The following DLG2 variants were observed in gnomAD, a reference collection of about 807,000 sequenced individuals.
The protein encoded by DLG2 is disks large homolog 2.
DLG2 carries 45 observed loss-of-function variants against 132.5 expected under a neutral mutation model. That is an observed-to-expected ratio of 0.34 (90% CI 0.27 to 0.44). The LOEUF (loss-of-function observed/expected upper bound fraction) is 0.44. Among genes scored for constraint, DLG2 ranks in the 20% least tolerant of loss-of-function variants. The probability of loss-of-function intolerance (pLI) is 1.00; values close to 1 mark genes in which losing one functional copy is unlikely to be tolerated. For missense variants in DLG2, 1,045 were observed against 1,196.9 expected, an observed-to-expected ratio of 0.87 and a Z score of 1.87; for synonymous variants, 424 against 419.6, an observed-to-expected ratio of 1.01 and a Z score of -0.13.
intron 3 of DLG2, among the ~76,000 whole-genome samples, chr11:85,429,681 T>C (rs543587285): frequency 6.0e-4 from 92 of 152,288 alleles, no homozygotes; most frequent in Middle Eastern, 6.8e-3. Flanking sequence ...CCAGTTAGAA[T>C]GGCAATCATT....
chr11:84,309,086 C>T (rs900902059), intron 7 of DLG2, among the ~76,000 whole-genome samples: 5 of 152,124 alleles, frequency 3.3e-5, no homozygotes, highest in Non-Finnish European at 1.5e-5. Flanking sequence ...ACTGCCAGCA[C>T]GCTGTCACCT....
intron 7 of DLG2, among the ~76,000 whole-genome samples, chr11:84,458,007 C>T (rs868118656): frequency 6.0e-5 from 9 of 150,728 alleles, no homozygotes; most frequent in East Asian, 5.8e-4. Context: ...CTGTTATCTA[C>T]GTAAATGATA....
intron 23 of DLG2, among the ~76,000 whole-genome samples, chr11:83,472,018 T>C (rs910437152): frequency 6.6e-6 from 1 of 152,126 alleles, no homozygotes; most frequent in African/African-American, 2.4e-5. Context: ...GCCTACATAA[T>C]GTCAAAACAA....
At chr11:85,045,718 C>T (rs1206248925) in intron 6 of DLG2, among the ~76,000 whole-genome samples, 2 of 151,950 alleles carry the variant, frequency 1.3e-5, no homozygotes, top group Admixed American at 6.6e-5. Context: ...CATATGCCTA[C>T]TTGTAAAGTT....
At chr11:83,833,204 G>C (rs139023059) in intron 17 of DLG2, among the ~76,000 whole-genome samples, 146 of 152,300 alleles carry the variant, frequency 9.6e-4, no homozygotes, top group African/African-American at 3.3e-3. Flanking sequence ...TTGGGAGGCT[G>C]AGGCGGGTGG....
chr11:84,730,694 C>T (rs1036457962), intron 6 of DLG2, among the ~76,000 whole-genome samples: 1 of 151,930 alleles, frequency 6.6e-6, no homozygotes, highest in African/African-American at 2.4e-5. Flanking sequence ...AATAGATTTT[C>T]CTTATCAGCT....
chr11:83,509,053 C>T (rs1418285202), intron 21 of DLG2, among the ~76,000 whole-genome samples: 8 of 152,184 alleles, frequency 5.3e-5, no homozygotes, highest in Admixed American at 2.6e-4. Flanking sequence ...AATGTAGTCA[C>T]GTGATGTTAC....
intron 4 of DLG2, among the ~76,000 whole-genome samples, chr11:85,219,207 C>T (rs1027574700): frequency 6.6e-6 from 1 of 152,056 alleles, no homozygotes; most frequent in Admixed American, 6.6e-5. Context: ...TGCACATGTA[C>T]CCCCTGTATC....
chr11:84,971,115 T>G (rs750257930), intron 6 of DLG2, among the ~76,000 whole-genome samples: 1 of 152,162 alleles, frequency 6.6e-6, no homozygotes, highest in Non-Finnish European at 1.5e-5. Flanking sequence ...CTGAATAACA[T>G]GAGAGGTACA....
intron 6 of DLG2, among the ~76,000 whole-genome samples, chr11:84,742,151 T>C (rs936461759): frequency 2.6e-5 from 4 of 152,022 alleles, no homozygotes; most frequent in Non-Finnish European, 5.9e-5. Flanking sequence ...GCCTATACGA[T>C]TTATGGGGCA....
At chr11:85,349,369 G>C (rs1006038364) in intron 3 of DLG2, among the ~76,000 whole-genome samples, 1 of 152,010 alleles carries the variant, frequency 6.6e-6, no homozygotes, top group East Asian at 1.9e-4. Flanking sequence ...ATTATTTATA[G>C]CTGAAAAGAA....
At chr11:84,297,252 G>T (rs2098103283) in intron 7 of DLG2, among the ~76,000 whole-genome samples, 1 of 152,080 alleles carries the variant, frequency 6.6e-6, no homozygotes, top group South Asian at 2.1e-4. Context: ...AAGAACAAGG[G>T]TAGTGAGTGA....
intron 18 of DLG2, among the ~76,000 whole-genome samples, chr11:83,727,052 G>A (rs765727182): frequency 6.6e-5 from 10 of 152,154 alleles, no homozygotes; most frequent in Non-Finnish European, 1.3e-4. Flanking sequence ...CAGGGATCAG[G>A]ACTCTCCAAT....
At chr11:85,583,122 G>GTATATATATA (rs1355453267) in intron 3 of DLG2, among the ~76,000 whole-genome samples, 6 of 49,156 alleles carry the variant, frequency 1.2e-4, no homozygotes, top group Non-Finnish European at 1.7e-4. Flanking sequence ...GTGTGTGTGT[G>GTATATATATA]TGTGTGTGTA....
chr11:83,766,095 CTT>C lies in DLG2; in HGVS notation c.1825+20593_1825+20594del, dbSNP rs35863223. ...TAATCTTGGGAGATTCCACTGAATG[CTT>C]TTTTTTTTTTTTTTGAGATGGAGTC... On this transcript the variant is annotated intron_variant, in intron 18 of 27. Transcript: ENST00000376104. Among the ~76,000 whole-genome samples the C allele has an allele frequency of 2.1e-3, 287 of 133,620 alleles. 1 individual carries two copies. Among genetic ancestry groups the C allele is most frequent in the African/African-American group, 5.9e-3 (202 of 34,396 alleles). 87.7% of individuals were successfully genotyped at this position (133,620 alleles called of 152,430 possible).
chr11:84,565,376 T>G (rs561046631), intron 6 of DLG2, among the ~76,000 whole-genome samples: 1 of 152,302 alleles, frequency 6.6e-6, no homozygotes, highest in South Asian at 2.1e-4. Context: ...TTACTTAATT[T>G]TACTGAGTCA....
Position 85,596,158 on chromosome 11 carries a change from G to A in DLG2, c.40+2499C>T, listed in dbSNP as rs188499471. On this transcript the variant is annotated intron_variant, in intron 3 of 27. Transcript: ENST00000376104. ...TAATCCCAGCACTTTGGGAGGCTGAGGTGGGTGGATCATGAGGTCAGGAAA... is the reference window on the plus strand; with the variant it reads ...TAATCCCAGCACTTTGGGAGGCTGAAGTGGGTGGATCATGAGGTCAGGAAA... 4.0e-3 allele frequency among the ~76,000 whole-genome samples: 608 copies of A among 152,270 alleles called. 3 individuals carry two copies. The highest frequency in any genetic ancestry group is 5.9e-3 in the Non-Finnish European group (403 of 68,018).
At chr11:85,397,840 C>T (rs1565431979) in intron 3 of DLG2, among the ~76,000 whole-genome samples, 1 of 152,148 alleles carries the variant, frequency 6.6e-6, no homozygotes, top group Non-Finnish European at 1.5e-5. Context: ...GTGACTTCAA[C>T]ACCCCACTGT....
At chr11:84,861,775 C>A (rs912459740) in intron 6 of DLG2, among the ~76,000 whole-genome samples, 2 of 151,718 alleles carry the variant, frequency 1.3e-5, no homozygotes, top group East Asian at 3.9e-4. Flanking sequence ...AAATAAACAA[C>A]TCCATCAAAA....
Sources: allele counts gnomAD v4.1 joint callset (sites outside exome capture counted in the v4.1 genomes callset), GRCh38; gene constraint gnomAD v4.1.1; transcripts MANE v1.5; gene names NCBI Gene and HGNC (gene_info 2026-07-23, HGNC 2026-07-21).